USP34: variants seen among roughly 807,000 people sequenced by gnomAD.
The protein encoded by USP34 is ubiquitin carboxyl-terminal hydrolase 34.
In USP34, 70 loss-of-function variants were observed where a neutral mutation model predicts 460.3. The ratio of observed to expected loss-of-function variants is 0.15; its 90% confidence interval spans 0.13 to 0.19. The LOEUF is 0.19. Among genes scored for constraint, USP34 ranks in the 10% least tolerant of loss-of-function variants. USP34 has a pLI of 1.00. For synonymous variants in USP34, 1,647 were observed against 1,405.3 expected (o/e 1.17, Z -3.85); for missense variants, 3,985 against 4,236.2 (o/e 0.94, Z 1.65).
chr2:61,266,150 G>T lies in USP34; in HGVS notation c.5451C>A (p.Ile1817=). 1.2e-6 allele frequency: 2 copies of T among 1,609,566 alleles called. No homozygotes were observed. Among genetic ancestry groups the T allele is most frequent in the Non-Finnish European group, 1.7e-6 (2 of 1,176,628 alleles). The change falls in exon 42 of 80, where the codon ATC becomes ATA. Residue 1817 remains isoleucine (I), a synonymous_variant. Coordinates refer to ENST00000398571, the MANE Select transcript of USP34 (RefSeq NM_014709.4). Reference sequence around the variant, plus strand: ...TTGGCAACAAAAACAGGAGATTGAAGATATCTCTCAAAAATTCCTGGGGAG... The same window carrying T: ...TTGGCAACAAAAACAGGAGATTGAATATATCTCTCAAAAATTCCTGGGGAG... ...SREGQEFLRD[I]FNLLFLLPSL... is the part of the protein sequence containing the mutation.
intron 62 of USP34, 27 bp from the exon 63 acceptor site, chr2:61,223,323 GT>G: frequency 6.2e-7 from 1 of 1,603,234 alleles, no homozygotes; most frequent in Non-Finnish European, 8.5e-7. Flanking sequence ...GTGGAAATAA[GT>G]TTTTCTTCCT....
chr2:61,271,291 A>G (rs1050016836), intron 41 of USP34, among the ~76,000 whole-genome samples: 2 of 152,214 alleles, frequency 1.3e-5, no homozygotes, highest in Non-Finnish European at 2.9e-5. Context: ...GTGAAGCTTT[A>G]TCTTCTTCAA....
chr2:61,449,226 C>G (rs1204551903), intron 1 of USP34, among the ~76,000 whole-genome samples: 1 of 146,992 alleles, frequency 6.8e-6, no homozygotes, highest in Non-Finnish European at 1.5e-5. Context: ...CACTGTACTG[C>G]AGCCTGGATG....
intron 8 of USP34, among the ~76,000 whole-genome samples, chr2:61,373,939 G>C (rs761526110): frequency 6.6e-6 from 1 of 152,088 alleles, no homozygotes; most frequent in Non-Finnish European, 1.5e-5. Context: ...TGGACTGCTT[G>C]AGGTCAGGAG....
At chr2:61,447,470 A>G (rs2104048723) in intron 1 of USP34, among the ~76,000 whole-genome samples, 1 of 152,106 alleles carries the variant, frequency 6.6e-6, no homozygotes, top group African/African-American at 2.4e-5. Flanking sequence ...TTTCAAGAAA[A>G]TGCTTGTTAA....
rs777889578 is a variant in USP34, at chr2:61,343,835, T to C, written c.2480A>G (p.Tyr827Cys). The change falls in exon 16 of 80, where the codon TAC (tyrosine) becomes TGC (cysteine). Residue 827 changes from tyrosine to cysteine, a missense_variant. Coordinates refer to ENST00000398571, the MANE Select transcript of USP34 (RefSeq NM_014709.4). ...CTTACCTTGACTAAGATGTTCATGG[T>C]AAATGGAAGCTAAATTGGGAAGATG... ...QQHLPNLASI[Y>C]HEHLSQGPVV... 6 of 1,613,978 alleles carry C rather than the reference T, an allele frequency of 3.7e-6. No individual in the cohort carries two copies. The South Asian group carries it at 6.6e-5, about 18-fold the overall frequency.
intron 1 of USP34, among the ~76,000 whole-genome samples, chr2:61,452,905 C>CAAAAA (rs57925421): frequency 6.3e-5 from 8 of 127,152 alleles, no homozygotes; most frequent in Admixed American, 1.7e-4. Flanking sequence ...ACCCCACAAC[C>CAAAAA]AAAAAAAAAA....
chr2:61,391,601 C>T (rs933058340), intron 5 of USP34, among the ~76,000 whole-genome samples: 4 of 152,084 alleles, frequency 2.6e-5, no homozygotes, highest in Non-Finnish European at 5.9e-5. Flanking sequence ...TTCAGAGATT[C>T]CCAAATAGAG....
Position 61,430,964 on chromosome 2 carries a change from G to A in USP34, c.44-10131C>T, listed in dbSNP as rs191977231. On this transcript the variant is annotated intron_variant, in intron 1 of 79. Transcript: ENST00000398571. ...GGCTCATAGTGAGCTATGATCGTGCGCCCCTGCACTGAAGCCTGGGCAACA... is the reference window on the plus strand; with the variant it reads ...GGCTCATAGTGAGCTATGATCGTGCACCCCTGCACTGAAGCCTGGGCAACA... Among the ~76,000 whole-genome samples the A allele has an allele frequency of 3.4e-3, 519 of 152,056 alleles. 4 individuals are homozygous for A. The highest frequency in any genetic ancestry group is 5.9e-3 in the Non-Finnish European group (404 of 68,018).
At chr2:61,311,944 T>C (rs1355610848) in intron 25 of USP34, 34 bp from the exon 26 acceptor site, 4 of 1,603,516 alleles carry the variant, frequency 2.5e-6, no homozygotes, top group East Asian at 2.2e-5. Flanking sequence ...ATAGAAAGGA[T>C]ACCATTTTAA....
chr2:61,452,056 C>T (rs1429143380), intron 1 of USP34, among the ~76,000 whole-genome samples: 1 of 151,676 alleles, frequency 6.6e-6, no homozygotes, highest in Admixed American at 6.6e-5. Context: ...CGCCTGTAGT[C>T]CCAGCTACTC....
chr2:61,256,663 T>A (rs1688732157), intron 47 of USP34, among the ~76,000 whole-genome samples, 185 bp from the exon 48 acceptor site: 1 of 152,136 alleles, frequency 6.6e-6, no homozygotes, highest in Admixed American at 6.5e-5. Flanking sequence ...TCTTAGTAAC[T>A]TTTTTGAAGG....
chr2:61,452,956 G>A (rs961972589), intron 1 of USP34, among the ~76,000 whole-genome samples: 7 of 146,450 alleles, frequency 4.8e-5, no homozygotes, highest in Admixed American at 2.7e-4. Flanking sequence ...AACAAATATA[G>A]TAGTTTAAGA....
Position 61,370,398 on chromosome 2 carries a change from G to T in USP34, c.1174C>A (p.Gln392Lys). The change falls in exon 10 of 80, where the codon CAA becomes AAA. Residue 392 changes from glutamine (Q) to lysine (K), a missense_variant. Around this residue, in one of 14 missense-constraint regions of USP34, gnomAD observed 716 missense variants for 626.2 expected, o/e 1.14. Transcript: ENST00000398571. ...NLHIEIIKQC[Q>K]VILNFLAAEG... Reference sequence around the variant, plus strand: ...GCTGCCAAAAAATTCAAAATCACTTGGCACTGTTTGATAATCTGGAAAAGA... The same window carrying T: ...GCTGCCAAAAAATTCAAAATCACTTTGCACTGTTTGATAATCTGGAAAAGA... The T allele has an allele frequency of 6.2e-7, 1 of 1,613,852 alleles. No homozygotes were observed. Among genetic ancestry groups the T allele is most frequent in the South Asian group, 1.1e-5 (1 of 91,042 alleles).
intron 2 of USP34, among the ~76,000 whole-genome samples, chr2:61,410,930 C>G (rs1243105651): frequency 6.6e-6 from 1 of 152,002 alleles, no homozygotes; most frequent in African/African-American, 2.4e-5. Context: ...AGGGATGAAG[C>G]CTGAGGCAGA....
chr2:61,353,815 G>A (rs545813543), intron 10 of USP34, among the ~76,000 whole-genome samples: 7 of 152,162 alleles, frequency 4.6e-5, no homozygotes, highest in African/African-American at 1.4e-4. Flanking sequence ...GAGAATATCA[G>A]CAAAGGGACA....
intron 5 of USP34, among the ~76,000 whole-genome samples, chr2:61,385,903 G>C (rs1003679509): frequency 6.6e-6 from 1 of 150,640 alleles, no homozygotes; most frequent in African/African-American, 2.4e-5. Flanking sequence ...TGCTGAGACA[G>C]GAGAATCACT....
At chr2:61,348,721 A>G in intron 14 of USP34, 35 bp downstream of exon 14, 1 of 1,595,014 alleles carries the variant, frequency 6.3e-7, no homozygotes, top group Non-Finnish European at 8.5e-7. Flanking sequence ...GAAAGCCAAA[A>G]ATGCCTATAA....
intron 18 of USP34, among the ~76,000 whole-genome samples, chr2:61,334,633 CT>C (rs1691363356): frequency 6.6e-6 from 1 of 152,092 alleles, no homozygotes; most frequent in South Asian, 2.1e-4. Flanking sequence ...TATTCACTTC[CT>C]GAATTTTCTT....
Sources: gnomAD v4.1 joint callset for allele counts (sites outside exome capture counted in the v4.1 genomes callset) on GRCh38, gnomAD v4.1.1 for gene constraint, gnomAD v4.1.1 regional missense constraint, MANE v1.5 for transcripts, NCBI Gene and HGNC (gene_info 2026-07-23, HGNC 2026-07-21) for gene names.